The following RAB11FIP3 variants were observed in gnomAD, a reference collection of about 807,000 sequenced individuals.
RAB11FIP3 encodes the protein rab11 family-interacting protein 3.
RAB11FIP3 carries 17 observed loss-of-function variants against 77.8 expected under a neutral mutation model. The observed-to-expected ratio is 0.22, with a 90% CI of 0.15 to 0.33. The LOEUF (loss-of-function observed/expected upper bound fraction) is 0.33. Among genes scored for constraint, RAB11FIP3 ranks in the 10% least tolerant of loss-of-function variants. The pLI, the probability that RAB11FIP3 is intolerant of heterozygous loss-of-function variation, is 1.00. For synonymous variants in RAB11FIP3, 437 were observed against 448.2 expected (o/e 0.98, Z 0.31); for missense variants, 1,005 against 1,011.2 (o/e 0.99, Z 0.08).
At chr16:464,081 G>C (rs964875085) in intron 2 of RAB11FIP3, among the ~76,000 whole-genome samples, 1 of 152,202 alleles carries the variant, frequency 6.6e-6, no homozygotes, top group Admixed American at 6.5e-5. Context: ...GATACTGCAG[G>C]CTCTGCAGGC....
At chr16:459,476 G>T (rs1316056923) in intron 1 of RAB11FIP3, among the ~76,000 whole-genome samples, 3 of 143,528 alleles carry the variant, frequency 2.1e-5, no homozygotes, top group South Asian at 2.2e-4. Context: ...TCATTTTGTA[G>T]CCCAGGCTGG....
At chr16:436,187 G>A (rs1406666075) in intron 1 of RAB11FIP3, among the ~76,000 whole-genome samples, 44 of 152,170 alleles carry the variant, frequency 2.9e-4, no homozygotes, top group Admixed American at 2.9e-3. Flanking sequence ...GCAGGCGCCT[G>A]TAATTCCAGC....
chr16:462,534 C>T (rs1213741286), intron 2 of RAB11FIP3, among the ~76,000 whole-genome samples: 1 of 152,082 alleles, frequency 6.6e-6, no homozygotes, highest in Admixed American at 6.5e-5. Context: ...AACCACCGTG[C>T]CTGGCCAGTT....
chr16:467,436 A>G (rs1467455708), intron 2 of RAB11FIP3, among the ~76,000 whole-genome samples: 403 of 89,646 alleles, frequency 4.5e-3, no homozygotes, highest in Middle Eastern at 0.029. Context: ...AGGTGCTGGG[A>G]CGTCAGGGAG....
chr16:462,220 ATC>A (rs956943754), intron 2 of RAB11FIP3, among the ~76,000 whole-genome samples: 14 of 151,744 alleles, frequency 9.2e-5, no homozygotes, highest in African/African-American at 2.9e-4. Context: ...AGTTTTGCCT[ATC>A]TCTCTTTTTT....
At chr16:518,827 G>C in intron 9 of RAB11FIP3, 116 bp from the exon 10 acceptor site, 1 of 966,478 alleles carries the variant, frequency 1.0e-6, no homozygotes, top group Non-Finnish European at 1.6e-6. Flanking sequence ...TGGTCGTTTG[G>C]GGGCGTCTGT....
chr16:426,763 C>G lies in RAB11FIP3; in HGVS notation c.714+43C>G, dbSNP rs1396273181. ...CCGGGGCGTGGGAACTGGGCAGGTG[C>G]GCGCTGGCCGGCGGGGTTGATGTGG... On this transcript the variant is annotated intron_variant, in intron 1 of 13. Transcript: ENST00000262305. The surrounding 1 kb of genome is among the most constrained non-coding windows in gnomAD (Gnocchi z 5.0). 8.4e-6 allele frequency: 12 copies of G among 1,425,932 alleles called. No homozygotes were observed. The highest frequency in any genetic ancestry group is 1.1e-5 in the Non-Finnish European group (12 of 1,078,178). The allele number at this position is 1,425,932 out of a possible 1,614,324, so 88.3% of individuals were successfully genotyped here.
intron 6 of RAB11FIP3, among the ~76,000 whole-genome samples, chr16:499,236 C>G (rs940702656): frequency 1.2e-4 from 19 of 152,086 alleles, no homozygotes; most frequent in Non-Finnish European, 2.8e-4. Flanking sequence ...AAAAGAGAAG[C>G]ATTGAGCTCT....
At chr16:487,596 G>A (rs753508602) in intron 4 of RAB11FIP3, among the ~76,000 whole-genome samples, 3 of 152,182 alleles carry the variant, frequency 2.0e-5, no homozygotes, top group African/African-American at 7.2e-5. Context: ...TCCTGGGCAC[G>A]AGGAGTCGCC....
Position 426,725 on chromosome 16 carries a change from G to C in RAB11FIP3, c.714+5G>C. On this transcript the variant is annotated splice_donor_5th_base_variant and intron_variant, in intron 1 of 13. Transcript: ENST00000262305. The surrounding 1 kb of genome is among the most constrained non-coding windows in gnomAD (Gnocchi z 5.0). ...ACGGTCTACGGGGCAGAGCAGGTAC[G>C]GAGCGGCCCGGGCCGGGGCGTGGGA... 6.8e-7 allele frequency: 1 copy of C among 1,479,412 alleles called. No individual in the cohort carries two copies. The highest frequency in any genetic ancestry group is 9.0e-7 in the Non-Finnish European group (1 of 1,113,972). 91.6% of individuals were successfully genotyped at this position (1,479,412 alleles called of 1,614,324 possible). A position where few individuals can be genotyped will look rare whatever the true frequency, so the allele number is the denominator to read the frequency against.
Position 426,527 on chromosome 16 carries a change from T to C in RAB11FIP3, c.521T>C (p.Leu174Pro). ...FPAPTAGELA[L>P]EQGPGSPPQP... ...GCGCCCACGGCGGGCGAGCTGGCGC[T>C]GGAGCAAGGTCCCGGGTCCCCGCCG... Residue 174 changes from leucine to proline, a missense_variant, in exon 1 of 14, where the codon CTG becomes CCG. Physicochemically the swap from Leu to Pro is moderately conservative, Grantham distance 98. Around this residue, in one of 4 missense-constraint regions of RAB11FIP3, gnomAD observed 466 missense variants for 408.3 expected, o/e 1.14. Transcript: ENST00000262305. This position sits in a 1 kb window ranked among gnomAD's most constrained non-coding sequence, Gnocchi z 5.0. 3.2e-6 allele frequency: 5 copies of C among 1,559,374 alleles called. No homozygotes were observed. Among genetic ancestry groups the C allele is most frequent in the Non-Finnish European group, 4.3e-6 (5 of 1,153,534 alleles).
chr16:511,538 TC>T (rs1383695668), intron 9 of RAB11FIP3, among the ~76,000 whole-genome samples: 14 of 78,684 alleles, frequency 1.8e-4, no homozygotes, highest in Admixed American at 2.5e-4. Context: ...TAGGAGAAGT[TC>T]CCCGACGGCC....
At position 505,941 on chromosome 16, in the gene RAB11FIP3, A is replaced by G. The variant is rs921542314; in HGVS notation, c.1499+314A>G. ...GGAGGAACTGACTGCGAACCCACGC[A>G]GTGCTCAGCCTCACCAGCAGGCCTG... On this transcript the variant is annotated intron_variant, in intron 8 of 13. Coordinates refer to ENST00000262305, the MANE Select transcript of RAB11FIP3 (RefSeq NM_014700.4). This position sits in a 1 kb window ranked among gnomAD's most constrained non-coding sequence, Gnocchi z 4.0. Among the ~76,000 whole-genome samples the G allele has an allele frequency of 3.3e-5, 5 of 152,228 alleles. No homozygotes were observed. Among genetic ancestry groups the G allele is most frequent in the Admixed American group, 3.3e-4 (5 of 15,282 alleles).
At chr16:484,418 C>T (rs1361231924) in intron 4 of RAB11FIP3, among the ~76,000 whole-genome samples, 2 of 151,874 alleles carry the variant, frequency 1.3e-5, no homozygotes, top group Non-Finnish European at 1.5e-5. Context: ...GTGGTGCGAT[C>T]TCAGCTCACT....
intron 4 of RAB11FIP3, among the ~76,000 whole-genome samples, chr16:484,966 C>A (rs1368618619): frequency 6.6e-6 from 1 of 152,122 alleles, no homozygotes; most frequent in East Asian, 1.9e-4. Context: ...GTCTGCTCTC[C>A]TGCTCACCTT....
At chr16:486,266 G>C (rs951308339) in intron 4 of RAB11FIP3, among the ~76,000 whole-genome samples, 1 of 152,196 alleles carries the variant, frequency 6.6e-6, no homozygotes, top group African/African-American at 2.4e-5. Context: ...GGCCGAGGCA[G>C]GTGGATCATG....
intron 5 of RAB11FIP3, among the ~76,000 whole-genome samples, chr16:492,367 G>C (rs1056780969): frequency 2.8e-5 from 4 of 142,998 alleles, no homozygotes; most frequent in Non-Finnish European, 6.2e-5. Context: ...GGGTCTTCCC[G>C]GGAGACCCGA....
chr16:469,264 C>T lies in RAB11FIP3; in HGVS notation c.809-2031C>T, dbSNP rs1054341326. ...CTAATTTTTGTATTTTTAGTACAGA[C>T]GGGTTTTCACCATGTTGGCCACTAT... On this transcript the variant is annotated intron_variant, in intron 2 of 13. Coordinates refer to ENST00000262305, the MANE Select transcript of RAB11FIP3 (RefSeq NM_014700.4). Among the ~76,000 whole-genome samples, 10 of 152,010 alleles carry T rather than the reference C, an allele frequency of 6.6e-5. 1 individual carries two copies. The highest frequency in any genetic ancestry group is 2.6e-4 in the Admixed American group (4 of 15,250).
At chr16:510,464 G>A in intron 8 of RAB11FIP3, 196 bp from the exon 9 acceptor site, 4 of 604,478 alleles carry the variant, frequency 6.6e-6, no homozygotes, top group Non-Finnish European at 1.1e-5. Flanking sequence ...TGCCTTTAGT[G>A]TGGGAGGCGA....
Sources: gnomAD v4.1 joint callset for allele counts (sites outside exome capture counted in the v4.1 genomes callset) on GRCh38, gnomAD v4.1.1 for gene constraint, gnomAD v4.1.1 regional missense constraint, Gnocchi (gnomAD v3.1) non-coding constraint, MANE v1.5 for transcripts, NCBI Gene and HGNC (gene_info 2026-07-23, HGNC 2026-07-21) for gene names.